Variants in PCDH7 observed in about 807,000 individuals in gnomAD.
PCDH7 encodes protocadherin-7.
A neutral mutation model predicts 58.9 loss-of-function variants in PCDH7; 17 were observed. The observed-to-expected ratio is 0.29, with a 90% CI of 0.20 to 0.43. The LOEUF is 0.43. Ranked by LOEUF, PCDH7 falls within the 20% of genes least tolerant of loss-of-function variation. The probability of loss-of-function intolerance (pLI) is 1.00; values close to 1 mark genes in which losing one functional copy is unlikely to be tolerated. For missense variants in PCDH7, 1,274 were observed against 1,441.0 expected, an observed-to-expected ratio of 0.88 and a Z score of 1.88; for synonymous variants, 664 against 616.4, an observed-to-expected ratio of 1.08 and a Z score of -1.14.
rs570427266 is a variant in PCDH7, at chr4:30,760,084, C to T, written c.70+35488C>T. 2.6e-5 allele frequency among the ~76,000 whole-genome samples: 4 copies of T among 152,100 alleles called. No individual in the cohort carries two copies. The South Asian group carries it at 6.2e-4, about 24-fold the overall frequency. On this transcript the variant is annotated intron_variant, in intron 1 of 3. Transcript: ENST00000509759. ...AAGAAAAAAAAAAACTTAAGAAGTACGGTAGTTAAGCTTCAAGTGCCATTG... is the reference window on the plus strand; with the variant it reads ...AAGAAAAAAAAAAACTTAAGAAGTATGGTAGTTAAGCTTCAAGTGCCATTG...
intron 1 of PCDH7, among the ~76,000 whole-genome samples, chr4:30,745,332 A>G (rs1365481119): frequency 1.4e-5 from 2 of 147,242 alleles, no homozygotes; most frequent in Non-Finnish European, 3.0e-5. Flanking sequence ...TTTTTCTTTT[A>G]CAATTTCTAA....
At chr4:30,843,186 G>T (rs543980825) in intron 1 of PCDH7, among the ~76,000 whole-genome samples, 1 of 150,416 alleles carries the variant, frequency 6.6e-6, no homozygotes, top group African/African-American at 2.5e-5. Flanking sequence ...TCCATCTTTC[G>T]AATATAGAAC....
chr4:30,998,049 C>T (rs1389785006), intron 3 of PCDH7, among the ~76,000 whole-genome samples: 1 of 152,090 alleles, frequency 6.6e-6, no homozygotes, highest in Non-Finnish European at 1.5e-5. Context: ...ACAAACTCTG[C>T]CAGGGGAAGC....
At chr4:30,909,450 ACT>A (rs1250052484) in intron 1 of PCDH7, among the ~76,000 whole-genome samples, 1 of 152,040 alleles carries the variant, frequency 6.6e-6, no homozygotes, top group Non-Finnish European at 1.5e-5. Context: ...CAGCCCAAAA[ACT>A]CTTTAAGCTG....
rs1307590266 is a variant in PCDH7 at position 30,901,675 on chromosome 4, T to G, written c.71-18478T>G. 7.2e-5 allele frequency among the ~76,000 whole-genome samples: 11 copies of G among 152,252 alleles called. No homozygotes were observed. In the South Asian group the frequency reaches 2.3e-3, roughly 32 times the overall value. ...TACAATTGGCTTAAATGTAACCAAC[T>G]GCAGATAATGTCTGGTGGAGTTCAA... On this transcript the variant is annotated intron_variant, in intron 1 of 3. Transcript: ENST00000509759.
At chr4:31,088,722 G>A (rs535265750) in intron 3 of PCDH7, among the ~76,000 whole-genome samples, 1 of 151,940 alleles carries the variant, frequency 6.6e-6, no homozygotes, top group South Asian at 2.1e-4. Context: ...TTTTAAAAAT[G>A]TCAAACAAGT....
At chr4:30,901,926 G>T (rs1286673730) in intron 1 of PCDH7, among the ~76,000 whole-genome samples, 1 of 152,040 alleles carries the variant, frequency 6.6e-6, no homozygotes, top group Non-Finnish European at 1.5e-5. Context: ...ACTTCTTAAG[G>T]TTCAGTCAAG....
Position 30,722,075 on chromosome 4 carries a change from G to A in PCDH7, c.653G>A (p.Gly218Asp). 1 of 1,290,824 alleles carries A rather than the reference G, an allele frequency of 7.7e-7. No homozygotes were observed. The highest frequency in any genetic ancestry group is 9.8e-7 in the Non-Finnish European group (1 of 1,022,988). The allele number at this position is 1,290,824 out of a possible 1,614,324, so 80.0% of individuals were successfully genotyped here. The change falls in exon 1 of 2, where the codon GGC becomes GAC. Residue 218 changes from glycine (G) to aspartate (D), a missense_variant. Physicochemically the swap from Gly to Asp is moderately conservative, Grantham distance 94 (BLOSUM62 -1). Around this residue, in one of 3 missense-constraint regions of PCDH7, gnomAD observed 331 missense variants for 303.2 expected, o/e 1.09. Transcript: ENST00000361762. The surrounding 1 kb of genome is among the most constrained non-coding windows in gnomAD (Gnocchi z 7.6). ...GGCGGGAACGGCGCGAGCGGCGGCGGCTCGGGAGGCTCCAAGCGGCGGCTG... is the reference window on the plus strand; with the variant it reads ...GGCGGGAACGGCGCGAGCGGCGGCGACTCGGGAGGCTCCAAGCGGCGGCTG...
chr4:30,754,758 T>C (rs534600971), intron 1 of PCDH7, among the ~76,000 whole-genome samples: 2 of 19,664 alleles, frequency 1.0e-4, no homozygotes, highest in Admixed American at 8.6e-4. Flanking sequence ...TAGAAACTTA[T>C]ATGTACTTTT....
chr4:30,941,960 A>G (rs1481591586), intron 2 of PCDH7, among the ~76,000 whole-genome samples: 1 of 151,950 alleles, frequency 6.6e-6, no homozygotes, highest in East Asian at 1.9e-4. Flanking sequence ...ATTCTTTTGA[A>G]AATAATTTAT....
intron 1 of PCDH7, among the ~76,000 whole-genome samples, chr4:30,871,400 A>G (rs994782193): frequency 6.6e-6 from 1 of 152,022 alleles, no homozygotes; most frequent in African/African-American, 2.4e-5. Context: ...CTGTGCATCC[A>G]GCCTGAAGAA....
intron 3 of PCDH7, among the ~76,000 whole-genome samples, chr4:31,034,618 C>G (rs987219537): frequency 1.3e-5 from 2 of 152,160 alleles, no homozygotes; most frequent in African/African-American, 4.8e-5. Flanking sequence ...ATTTTACCTA[C>G]TAGTAATGCT....
At chr4:30,945,116 G>A (rs972748005) in intron 2 of PCDH7, among the ~76,000 whole-genome samples, 1 of 151,950 alleles carries the variant, frequency 6.6e-6, no homozygotes, top group African/African-American at 2.4e-5. Flanking sequence ...TTAAAAAGAA[G>A]CATGTCATAT....
chr4:30,898,013 A>T (rs1739672860), intron 1 of PCDH7, among the ~76,000 whole-genome samples: 1 of 152,190 alleles, frequency 6.6e-6, no homozygotes, highest in South Asian at 2.1e-4. Flanking sequence ...CCAAAGGTAC[A>T]TTTGTAGTTG....
chr4:31,085,609 G>T (rs968614943), intron 3 of PCDH7, among the ~76,000 whole-genome samples: 2 of 152,070 alleles, frequency 1.3e-5, no homozygotes, highest in Non-Finnish European at 2.9e-5. Context: ...ACTGTCTCAG[G>T]CATAATTTTC....
At chr4:30,886,656 A>G (rs888275104) in intron 1 of PCDH7, among the ~76,000 whole-genome samples, 2 of 150,920 alleles carry the variant, frequency 1.3e-5, no homozygotes, top group Non-Finnish European at 3.0e-5. Context: ...TCATGCTGCT[A>G]TAAAGACACA....
intron 1 of PCDH7, among the ~76,000 whole-genome samples, chr4:30,751,520 T>A (rs1034305411): frequency 6.6e-6 from 1 of 152,138 alleles, no homozygotes; most frequent in Non-Finnish European, 1.5e-5. Flanking sequence ...ATAGCCATAG[T>A]TGGGGAATAG....
chr4:30,766,938 A>T (rs1447366), intron 1 of PCDH7, among the ~76,000 whole-genome samples: 23,164 of 152,132 alleles, frequency 0.15, 1,996 homozygotes, highest in East Asian at 0.3. Context: ...ATTTTAAAAG[A>T]TGGGCTTACA....
intron 1 of PCDH7, among the ~76,000 whole-genome samples, chr4:30,834,253 C>T (rs1352358052): frequency 6.6e-6 from 1 of 152,170 alleles, no homozygotes; most frequent in East Asian, 1.9e-4. Flanking sequence ...TAATGGTTTG[C>T]TGTTACCATC....
Sources: gnomAD v4.1 joint callset for allele counts (sites outside exome capture counted in the v4.1 genomes callset) on GRCh38, gnomAD v4.1.1 for gene constraint, gnomAD v4.1.1 regional missense constraint, Gnocchi (gnomAD v3.1) non-coding constraint, MANE v1.5 for transcripts, NCBI Gene and HGNC (gene_info 2026-07-23, HGNC 2026-07-21) for gene names.